Variants in DCX observed in about 807,000 individuals in gnomAD.
The protein encoded by DCX is neuronal migration protein doublecortin.
In DCX, 4 loss-of-function variants were observed where a neutral mutation model predicts 20.9. The ratio of observed to expected loss-of-function variants is 0.19; its 90% CI spans 0.09 to 0.44. The LOEUF is 0.44. DCX is among the 20% of genes least tolerant of loss of function. The pLI, the probability that DCX is intolerant of heterozygous loss-of-function variation, is 0.99. For synonymous variants in DCX, 103 were observed against 111.4 expected (o/e 0.92, Z 0.47); for missense variants, 133 against 296.9 (o/e 0.45, Z 4.06).
At chrX:111,310,661 G>T (rs781411745) in intron 6 of DCX, among the ~76,000 whole-genome samples, 1 of 112,024 alleles carries the variant, frequency 8.9e-6, no homozygotes, top group Admixed American at 9.4e-5. Flanking sequence ...CTTAACATTT[G>T]CTTGCTTAAC....
intron 6 of DCX, among the ~76,000 whole-genome samples, chrX:111,310,458 A>T (rs914493182): frequency 8.9e-6 from 1 of 112,083 alleles, no homozygotes; most frequent in African/African-American, 3.2e-5. Flanking sequence ...ATAAAAAATA[A>T]GTAAATGAGG....
At chrX:111,409,523 C>A (rs1307407718) in intron 2 of DCX, among the ~76,000 whole-genome samples, 2 of 111,940 alleles carry the variant, frequency 1.8e-5, no homozygotes, top group Admixed American at 1.9e-4. Flanking sequence ...GAAGCAACAG[C>A]TGAGCCGCGA....
At chrX:111,391,127 A>G (rs1926914858) in intron 3 of DCX, among the ~76,000 whole-genome samples, 1 of 110,576 alleles carries the variant, frequency 9.0e-6, no homozygotes, top group Non-Finnish European at 1.9e-5. Flanking sequence ...CCAATTTTGG[A>G]GGCGGGACCT....
chrX:111,404,098 G>T (rs1404465460), intron 2 of DCX, among the ~76,000 whole-genome samples: 1 of 36,361 alleles, frequency 2.8e-5, no homozygotes, highest in Non-Finnish European at 8.3e-5. Context: ...ATAAAATGCT[G>T]ATCCCAGAGC....
chrX:111,307,816 C>T (rs1486040221), intron 6 of DCX, among the ~76,000 whole-genome samples: 1 of 111,451 alleles, frequency 9.0e-6, no homozygotes, highest in Admixed American at 9.6e-5. Context: ...TGTAACAGAC[C>T]CTTCAGTGGA....
chrX:111,351,180 T>C (rs989958533), intron 3 of DCX, among the ~76,000 whole-genome samples: 6 of 111,855 alleles, frequency 5.4e-5, no homozygotes, highest in Non-Finnish European at 9.4e-5. Context: ...GGTAAGAGGA[T>C]ACAGTGTTCT....
chrX:111,315,258 AG>A (rs1219324723), intron 5 of DCX, among the ~76,000 whole-genome samples: 1 of 94,465 alleles, frequency 1.1e-5, no homozygotes, highest in Admixed American at 1.2e-4. Flanking sequence ...CCCATCAAAA[AG>A]TGGGCGAAGG....
chrX:111,350,192 G>C (rs1318056507), intron 3 of DCX, among the ~76,000 whole-genome samples: 3 of 111,222 alleles, frequency 2.7e-5, no homozygotes, highest in Non-Finnish European at 5.6e-5. Flanking sequence ...GGAGCCTGTT[G>C]ATAAGAGTCA....
intron 3 of DCX, among the ~76,000 whole-genome samples, chrX:111,354,751 G>A (rs1923590192): frequency 1.8e-5 from 2 of 112,536 alleles, no homozygotes; most frequent in African/African-American, 6.5e-5. Flanking sequence ...TTCAAGCAAA[G>A]CAGCCCCTTT....
chrX:111,351,729 G>C (rs766843592), intron 3 of DCX, among the ~76,000 whole-genome samples: 48 of 111,816 alleles, frequency 4.3e-4, no homozygotes, highest in Non-Finnish European at 6.8e-4. Flanking sequence ...GAAGGCTCAA[G>C]GCCAATAAGC....
chrX:111,392,120 T>C (rs1024866159), intron 3 of DCX, among the ~76,000 whole-genome samples: 9 of 111,579 alleles, frequency 8.1e-5, no homozygotes, highest in African/African-American at 2.6e-4. Context: ...AACCTTCATG[T>C]TTCCTTCTAT....
rs977347563 is a variant in DCX at position 111,296,630 on chromosome X, G to C, written c.*5057C>G. On this transcript the variant is annotated 3_prime_UTR_variant, in exon 7 of 7. Coordinates refer to ENST00000636035, the MANE Select transcript of DCX (RefSeq NM_001195553.2). Reference sequence around the variant, plus strand: ...TAAAAAAATAGCCAGATTTGGTGGCGCACGCCTGTAATCCCAGCTACTCGG... The same window carrying C: ...TAAAAAAATAGCCAGATTTGGTGGCCCACGCCTGTAATCCCAGCTACTCGG... 3 of 109,574 alleles carry C rather than the reference G, an allele frequency of 2.7e-5. No individual in the cohort carries two copies. The highest frequency in any genetic ancestry group is 1.9e-4 in the Admixed American group (2 of 10,259). 9.0% of individuals were successfully genotyped at this position (109,574 alleles called of 1,213,427 possible).
intron 6 of DCX, among the ~76,000 whole-genome samples, chrX:111,308,516 C>T (rs1287351406): frequency 9.0e-6 from 1 of 110,703 alleles, no homozygotes; most frequent in East Asian, 2.8e-4. Flanking sequence ...CCCGTCTTTC[C>T]CACCCTCCTT....
intron 5 of DCX, among the ~76,000 whole-genome samples, chrX:111,328,350 T>C (rs1402685590): frequency 8.9e-6 from 1 of 111,859 alleles, no homozygotes; most frequent in Non-Finnish European, 1.9e-5. Flanking sequence ...ATATCTCTGA[T>C]ATTTTAGAGT....
rs758363381 is a variant in DCX at position 111,401,329 on chromosome X, C to T, written c.366G>A (p.Gly122=). 8.3e-7 allele frequency: 1 copy of T among 1,204,373 alleles called. No individual in the cohort carries two copies. The highest frequency in any genetic ancestry group is 1.1e-6 in the Non-Finnish European group (1 of 888,951). Residue 122 remains glycine, a splice_region_variant and synonymous_variant, in exon 3 of 7, where the codon GGG becomes GGA. Transcript: ENST00000636035. ...TGTCTGAGGAACAGACATAGCTTTCCCCTAAGGCAAGAAATAAGTGATTAG... is the reference window on the plus strand; with the variant it reads ...TGTCTGAGGAACAGACATAGCTTTCTCCTAAGGCAAGAAATAAGTGATTAG... ...KIGSMDELEE[G]ESYVCSSDNF...
chrX:111,364,302 A>G (rs1298267091), intron 3 of DCX, among the ~76,000 whole-genome samples: 1 of 112,153 alleles, frequency 8.9e-6, no homozygotes, highest in Non-Finnish European at 1.9e-5. Flanking sequence ...GGAGGTGAAC[A>G]CCACTGTTCA....
In DCX at chrX:111,405,876, G is replaced by T. The variant is rs184262769; in HGVS notation, c.364+4159C>A. Among the ~76,000 whole-genome samples, 14 of 110,737 alleles carry T rather than the reference G, an allele frequency of 1.3e-4. No individual in the cohort carries two copies. The East Asian group carries it at 3.1e-3, about 25-fold the overall frequency. ...ACATCAATAACCTTTGATCCAAAAT[G>T]CTTCCCTTGATACTTTCTGTATCTA... On this transcript the variant is annotated intron_variant, in intron 2 of 6. Transcript: ENST00000636035.
chrX:111,411,725 G>T (rs1477773442), intron 1 of DCX: 1 of 111,826 alleles, frequency 8.9e-6, no homozygotes, highest in Non-Finnish European at 1.9e-5. Context: ...CAGGAGATAA[G>T]AAAGACTGGT....
At chrX:111,385,643 G>A (rs774163290) in intron 3 of DCX, among the ~76,000 whole-genome samples, 8 of 108,405 alleles carry the variant, frequency 7.4e-5, no homozygotes, top group Middle Eastern at 4.7e-3. Context: ...GCAATAGAGC[G>A]AGAATCTGTC....
Sources: allele counts gnomAD v4.1 joint callset (sites outside exome capture counted in the v4.1 genomes callset), GRCh38; gene constraint gnomAD v4.1.1; transcripts MANE v1.5; gene names NCBI Gene and HGNC (gene_info 2026-07-23, HGNC 2026-07-21).